The following RPH3A variants were observed in gnomAD, a reference collection of about 807,000 sequenced individuals.
The protein encoded by RPH3A is rabphilin-3A.
Under a neutral mutation model 102.2 loss-of-function variants are expected in RPH3A, and 48 were observed. The ratio of observed to expected loss-of-function variants is 0.47; its 90% CI spans 0.37 to 0.60. The LOEUF is 0.60. RPH3A is among the 20% of genes least tolerant of loss of function. The pLI is 0.00. For synonymous variants in RPH3A, 310 were observed against 324.3 expected (o/e 0.96, Z 0.47); for missense variants, 781 against 910.1 (o/e 0.86, Z 1.83).
chr12:112,618,707 A>T (rs190805923), intron 1 of RPH3A, among the ~76,000 whole-genome samples: 262 of 152,328 alleles, frequency 1.7e-3, no homozygotes, highest in Admixed American at 5.2e-3. Flanking sequence ...TTATTGAGAT[A>T]TAATTCTTAT....
chr12:112,831,072 C>A (rs2041962229), intron 3 of RPH3A, among the ~76,000 whole-genome samples: 1 of 150,988 alleles, frequency 6.6e-6, no homozygotes, highest in African/African-American at 2.4e-5. Flanking sequence ...CAAAATCAGC[C>A]ATAGGCAATA....
At chr12:112,826,774 G>C (rs565378429) in intron 2 of RPH3A, among the ~76,000 whole-genome samples, 140 of 152,270 alleles carry the variant, frequency 9.2e-4, no homozygotes, top group African/African-American at 3.2e-3. Flanking sequence ...TCAGAAGCTT[G>C]TCTGTCATTG....
rs531453414 is a variant in RPH3A at position 112,702,524 on chromosome 12, G to A, written c.-139-89619G>A. On this transcript the variant is annotated intron_variant, in intron 1 of 21. Coordinates refer to the RPH3A transcript ENST00000543106. ...ACATTGATGCTCAGGGAGATTAAGT[G>A]GCTTGCCCAAGCCCACATGGGTGCT... Among the ~76,000 whole-genome samples the A allele has an allele frequency of 1.6e-4, 24 of 152,322 alleles. 1 individual carries two copies. The highest frequency in any genetic ancestry group is 4.1e-4 in the African/African-American group (17 of 41,578).
At chr12:112,842,645 T>G (rs1053074369) in intron 4 of RPH3A, among the ~76,000 whole-genome samples, 1 of 152,244 alleles carries the variant, frequency 6.6e-6, no homozygotes, top group Non-Finnish European at 1.5e-5. Flanking sequence ...AATGAGTTAC[T>G]GTGAAAATGC....
chr12:112,631,906 T>C (rs1288992961), intron 1 of RPH3A, among the ~76,000 whole-genome samples: 1 of 152,176 alleles, frequency 6.6e-6, no homozygotes, highest in Non-Finnish European at 1.5e-5. Flanking sequence ...GGCTTTTTAG[T>C]GTATCTGTTG....
At chr12:112,864,136 AGAGG>A (rs1266240710) in intron 5 of RPH3A, among the ~76,000 whole-genome samples, 1 of 152,230 alleles carries the variant, frequency 6.6e-6, no homozygotes, top group Non-Finnish European at 1.5e-5. Flanking sequence ...GAGGCTCTCA[AGAGG>A]GAGTGCTATT....
chr12:112,585,435 C>T (rs2039431790), intron 1 of RPH3A, among the ~76,000 whole-genome samples: 1 of 152,142 alleles, frequency 6.6e-6, no homozygotes, highest in Admixed American at 6.5e-5. Context: ...CATTGAATCC[C>T]GTTTCTTGAA....
chr12:112,840,352 T>G (rs2042121624), intron 4 of RPH3A, among the ~76,000 whole-genome samples: 1 of 152,238 alleles, frequency 6.6e-6, no homozygotes, highest in Non-Finnish European at 1.5e-5. Context: ...ATCTTCTAGT[T>G]ATTTTGAAAT....
chr12:112,704,382 G>T (rs189399923), intron 1 of RPH3A, among the ~76,000 whole-genome samples: 1 of 152,114 alleles, frequency 6.6e-6, no homozygotes, highest in Non-Finnish European at 1.5e-5. Flanking sequence ...CAGCCACTGC[G>T]CTCAGCACCT....
At chr12:112,634,218 G>C (rs2039829419) in intron 1 of RPH3A, among the ~76,000 whole-genome samples, 1 of 94,382 alleles carries the variant, frequency 1.1e-5, no homozygotes, top group Non-Finnish European at 2.1e-5. Context: ...CGTAGTGGCG[G>C]GCGCCTGTAG....
intron 6 of RPH3A, 96 bp from the exon 7 acceptor site, chr12:112,866,661 C>A: frequency 3.1e-6 from 3 of 962,300 alleles, no homozygotes; most frequent in Non-Finnish European, 3.2e-6. Context: ...GCAAGTTCTT[C>A]CTCTTTACAT....
At chr12:112,630,689 C>A (rs1335800544) in intron 1 of RPH3A, among the ~76,000 whole-genome samples, 1 of 152,172 alleles carries the variant, frequency 6.6e-6, no homozygotes, top group East Asian at 1.9e-4. Context: ...TAGCTATCCA[C>A]TCCCTTTCCT....
At chr12:112,593,449 C>T (rs2039492966) in intron 1 of RPH3A, among the ~76,000 whole-genome samples, 1 of 152,164 alleles carries the variant, frequency 6.6e-6, no homozygotes, top group Non-Finnish European at 1.5e-5. Context: ...GTTTGTTACA[C>T]AGCAGAACCT....
intron 15 of RPH3A, among the ~76,000 whole-genome samples, chr12:112,882,909 G>T (rs2042939014): frequency 6.6e-6 from 1 of 152,184 alleles, no homozygotes; most frequent in African/African-American, 2.4e-5. Context: ...GGCATGAAGG[G>T]TACTATCTGG....
At position 112,711,736 on chromosome 12, in the gene RPH3A, T is replaced by A. The variant is rs927209417; in HGVS notation, c.-139-80407T>A. ...GGCGGGCTCTGTTATCCAGTGCAGG[T>A]AGGAGGAGTGATAACCCATACTGCT... On this transcript the variant is annotated intron_variant, in intron 1 of 21. Transcript: ENST00000543106. Among the ~76,000 whole-genome samples the A allele has an allele frequency of 3.9e-5, 6 of 152,330 alleles. No individual in the cohort carries two copies. The East Asian group carries it at 1.2e-3, about 29-fold the overall frequency.
At chr12:112,630,810 G>A (rs1390447762) in intron 1 of RPH3A, among the ~76,000 whole-genome samples, 1 of 152,092 alleles carries the variant, frequency 6.6e-6, no homozygotes, top group Non-Finnish European at 1.5e-5. Context: ...ACTTTGTGGT[G>A]GAATAAGACA....
chr12:112,740,392 G>T lies in RPH3A; in HGVS notation c.-139-51751G>T, dbSNP rs114986295. 1.8e-3 allele frequency among the ~76,000 whole-genome samples: 281 copies of T among 152,232 alleles called. 3 individuals carry two copies. Among genetic ancestry groups the T allele is most frequent in the African/African-American group, 6.2e-3 (259 of 41,532 alleles). On this transcript the variant is annotated intron_variant, in intron 1 of 21. Coordinates refer to the RPH3A transcript ENST00000543106. ...CTTTTTTGAAAAGTGTTGGTTCTGG[G>T]TATGCATATTAATGAATATCACCAG...
chr12:112,695,719 T>C (rs770741377), intron 1 of RPH3A, among the ~76,000 whole-genome samples: 3 of 152,276 alleles, frequency 2.0e-5, no homozygotes, highest in Non-Finnish European at 4.4e-5. Flanking sequence ...CCCACATTCA[T>C]GGAAGATTTG....
intron 1 of RPH3A, among the ~76,000 whole-genome samples, chr12:112,730,087 G>T (rs2040622249): frequency 6.6e-6 from 1 of 152,174 alleles, no homozygotes; most frequent in Non-Finnish European, 1.5e-5. Context: ...AGAAACCAAG[G>T]AATGCCAGTG....
Sources: allele counts gnomAD v4.1 joint callset (sites outside exome capture counted in the v4.1 genomes callset), GRCh38; gene constraint gnomAD v4.1.1; transcripts MANE v1.5; gene names NCBI Gene and HGNC (gene_info 2026-07-23, HGNC 2026-07-21).